The following OR3A2 variants were observed in gnomAD, a reference collection of about 807,000 sequenced individuals.
The protein encoded by OR3A2 is olfactory receptor family 3 subfamily A member 2, also known as olfactory receptor 3A2.
For synonymous variants in OR3A2, 126 were observed against 159.3 expected (o/e 0.79, Z 1.57); for missense variants, 318 against 392.8 (o/e 0.81, Z 1.61).
intron 3 of OR3A2, among the ~76,000 whole-genome samples, chr17:3,330,744 A>T (rs1288091260): frequency 1.3e-5 from 2 of 150,322 alleles, no homozygotes; most frequent in Non-Finnish European, 3.0e-5. Context: ...TGTGAATTTG[A>T]TCCTGTCATT....
intron 3 of OR3A2, among the ~76,000 whole-genome samples, chr17:3,301,376 T>C (rs975551150): frequency 2.2e-4 from 33 of 152,264 alleles, no homozygotes; most frequent in African/African-American, 7.7e-4. Flanking sequence ...TTTTTAATGA[T>C]TGCCATTCTA....
Position 3,349,647 on chromosome 17 carries a change from C to T in OR3A2, c.-178-13521G>A, listed in dbSNP as rs554288566. Among the ~76,000 whole-genome samples, 34 of 151,758 alleles carry T rather than the reference C, an allele frequency of 2.2e-4. 1 individual carries two copies. Among genetic ancestry groups the T allele is most frequent in the African/African-American group, 8.0e-4 (33 of 41,378 alleles). On this transcript the variant is annotated intron_variant, in intron 2 of 4. Transcript: ENST00000573491. ...ACGAGACAGAAAGTCAACAAGGATA[C>T]CCAGGAATTGAACTCAGCTCTGCAC... is the stretch of plus-strand genomic sequence containing the variant.
At chr17:3,331,880 C>G (rs995107051) in intron 3 of OR3A2, among the ~76,000 whole-genome samples, 2 of 150,814 alleles carry the variant, frequency 1.3e-5, no homozygotes, top group Non-Finnish European at 2.9e-5. Context: ...TGGTGATGTA[C>G]AGATGGGTTT....
At chr17:3,340,145 T>G (rs1051102955) in intron 2 of OR3A2, among the ~76,000 whole-genome samples, 1 of 152,178 alleles carries the variant, frequency 6.6e-6, no homozygotes, top group Admixed American at 6.5e-5. Context: ...TTATTACATC[T>G]ATTTGATTCT....
chr17:3,312,241 C>T (rs1159089430), intron 3 of OR3A2, among the ~76,000 whole-genome samples: 1 of 151,952 alleles, frequency 6.6e-6, no homozygotes, highest in Non-Finnish European at 1.5e-5. Context: ...TCAATTGAAA[C>T]ATATATAAAA....
intron 2 of OR3A2, among the ~76,000 whole-genome samples, chr17:3,339,281 C>A (rs189970486): frequency 9.8e-4 from 149 of 152,292 alleles, no homozygotes; most frequent in African/African-American, 3.2e-3. Flanking sequence ...CCTGACTGCC[C>A]TAGCAAAGAA....
intron 2 of OR3A2, among the ~76,000 whole-genome samples, chr17:3,345,177 C>T (rs10491219): frequency 0.086 from 13,127 of 152,096 alleles, 1,079 homozygotes; most frequent in East Asian, 0.49. Flanking sequence ...GGAAAGATGT[C>T]GGTACAGGCA....
intron 3 of OR3A2, among the ~76,000 whole-genome samples, chr17:3,315,751 T>TAGGG (rs371096011): frequency 4.7e-5 from 6 of 128,844 alleles, no homozygotes; most frequent in African/African-American, 1.7e-4. Flanking sequence ...GGTGAAAATA[T>TAGGG]GGGGGGGGGG....
chr17:3,330,110 C>T (rs1029858065), intron 3 of OR3A2, among the ~76,000 whole-genome samples: 1 of 147,248 alleles, frequency 6.8e-6, no homozygotes, highest in African/African-American at 2.6e-5. Flanking sequence ...TTTACATTTG[C>T]TGAGGAGAGC....
chr17:3,308,880 G>C (rs770621041), intron 3 of OR3A2, among the ~76,000 whole-genome samples: 3 of 151,236 alleles, frequency 2.0e-5, no homozygotes, highest in Admixed American at 6.6e-5. Context: ...CTATCCCTCA[G>C]CCAGAGGTTG....
chr17:3,338,421 T>G (rs1474883794), intron 2 of OR3A2, among the ~76,000 whole-genome samples: 1 of 152,240 alleles, frequency 6.6e-6, no homozygotes, highest in Non-Finnish European at 1.5e-5. Context: ...TATTTAAGTC[T>G]TTAATCCATC....
Position 3,311,728 on chromosome 17 carries a change from C to A in OR3A2, c.-85+24305G>T, listed in dbSNP as rs1298538281. Reference sequence around the variant, plus strand: ...GGCTTTCTCCACATGTGGCTCCCACCTCACTGTGGTCTGAATCTTTTATGG... The same window carrying A: ...GGCTTTCTCCACATGTGGCTCCCACATCACTGTGGTCTGAATCTTTTATGG... On this transcript the variant is annotated intron_variant, in intron 3 of 4. Transcript: ENST00000573491. The surrounding 1 kb of genome is among the most constrained non-coding windows in gnomAD (Gnocchi z 4.6). 2 of 273,372 alleles carry A rather than the reference C, an allele frequency of 7.3e-6. No homozygotes were observed. The highest frequency in any genetic ancestry group is 4.5e-5 in the Admixed American group (1 of 22,060). 16.9% of individuals were successfully genotyped at this position (273,372 alleles called of 1,614,324 possible).
At chr17:3,323,717 T>G (rs1385455604) in intron 3 of OR3A2, among the ~76,000 whole-genome samples, 1 of 152,140 alleles carries the variant, frequency 6.6e-6, no homozygotes, top group East Asian at 1.9e-4. Flanking sequence ...GAGTTTCTGC[T>G]GAGAGATCAG....
chr17:3,329,010 C>A (rs938958833), intron 3 of OR3A2, among the ~76,000 whole-genome samples: 5 of 150,962 alleles, frequency 3.3e-5, no homozygotes, highest in African/African-American at 1.2e-4. Flanking sequence ...TGCTGGATTA[C>A]ATTTATTGAT....
chr17:3,289,518 C>A (rs531522769), intron 3 of OR3A2, among the ~76,000 whole-genome samples: 34 of 152,312 alleles, frequency 2.2e-4, no homozygotes, highest in African/African-American at 7.7e-4. Context: ...GCCAGAGGCA[C>A]CAGATCTTTG....
Position 3,292,118 on chromosome 17 carries a change from A to G in OR3A2, c.-84-12965T>C, listed in dbSNP as rs1408859011. The G allele has an allele frequency of 4.3e-6, 7 of 1,614,050 alleles. No individual in the cohort carries two copies. The highest frequency in any genetic ancestry group is 3.3e-4 in the Middle Eastern group (2 of 6,082). On this transcript the variant is annotated intron_variant, in intron 3 of 4. Transcript: ENST00000573491. ...CAGTGTGGGTCAGTGCGTTGGTGAA[A>G]GCACAAGCCCAGGACGCAGCCACCA...
chr17:3,350,790 T>C (rs1261871067), intron 2 of OR3A2, among the ~76,000 whole-genome samples: 1 of 149,644 alleles, frequency 6.7e-6, no homozygotes, highest in Non-Finnish European at 1.5e-5. Flanking sequence ...CTCAATAAAA[T>C]ACTGGCAAAC....
At position 3,355,371 on chromosome 17, in the gene OR3A2, AT is replaced by A. The variant is rs1030290944; in HGVS notation, c.-178-19246del. On this transcript the variant is annotated intron_variant, in intron 2 of 4. Transcript: ENST00000573491. The stretch of plus-strand genomic sequence containing the variant: ...TTTTTGTTGATTGTCTGTCTGGAAG[AT>A]CTGTCCAGCACTGAAAGTGGGGTAT... 2.6e-4 allele frequency among the ~76,000 whole-genome samples: 40 copies of A among 151,410 alleles called. 3 individuals carry two copies. The highest frequency in any genetic ancestry group is 9.3e-4 in the African/African-American group (38 of 40,962).
chr17:3,335,738 T>C (rs949630967), intron 3 of OR3A2, among the ~76,000 whole-genome samples: 1 of 152,190 alleles, frequency 6.6e-6, no homozygotes, highest in African/African-American at 2.4e-5. Context: ...TTTCATTTTA[T>C]AGATGAAGAA....
Sources: allele counts gnomAD v4.1 joint callset (sites outside exome capture counted in the v4.1 genomes callset), GRCh38; gene constraint gnomAD v4.1.1; non-coding constraint Gnocchi (gnomAD v3.1); transcripts MANE v1.5; gene names NCBI Gene and HGNC (gene_info 2026-07-23, HGNC 2026-07-21).